SIGLEC11: variants seen among roughly 807,000 people sequenced by gnomAD.
SIGLEC11 encodes sialic acid-binding Ig-like lectin 11.
Under a neutral mutation model 61.2 loss-of-function variants are expected in SIGLEC11, and 47 were observed. The ratio of observed to expected loss-of-function variants is 0.77; its 90% CI spans 0.61 to 0.98. The LOEUF (loss-of-function observed/expected upper bound fraction) is 0.98. Ranked by LOEUF, SIGLEC11 falls within the 50% of genes least tolerant of loss-of-function variation. SIGLEC11 has a pLI of 0.00. For missense variants in SIGLEC11, 610 were observed against 870.3 expected (o/e 0.70, Z 3.76); for synonymous variants, 278 against 373.1 (o/e 0.75, Z 2.94).
At chr19:49,952,432 C>T in intron 8 of SIGLEC11, 38 bp from the exon 9 acceptor site, 7 of 1,511,692 alleles carry the variant, frequency 4.6e-6, no homozygotes, top group Non-Finnish European at 6.3e-6. Flanking sequence ...GCCCTCCTGG[C>T]CCTGAGACCC....
intron 8 of SIGLEC11, 67 bp from the exon 9 acceptor site, chr19:49,952,461 C>A: frequency 8.3e-7 from 1 of 1,201,454 alleles, no homozygotes; most frequent in Non-Finnish European, 1.2e-6. Context: ...CTTCCTCCCA[C>A]AGACCTAGAG....
rs757927465 is a variant in SIGLEC11, at chr19:49,958,459, T to C, written c.1475A>G (p.Glu492Gly). Residue 492 changes from glutamate (E) to glycine (G), a missense_variant, in exon 8 of 11, where the codon GAG (glutamate) becomes GGG (glycine). Transcript: ENST00000447370. ...CTGACTGCTGTTCCCCTCCAGCAGCTCCTCCCCAAGCCACCAGCGCAGAGA... is the reference window on the plus strand; with the variant it reads ...CTGACTGCTGTTCCCCTCCAGCAGCCCCTCCCCAAGCCACCAGCGCAGAGA... ...APSLRWWLGE[E>G]LLEGNSSQGS... 1.2e-6 allele frequency: 2 copies of C among 1,612,950 alleles called. No homozygotes were observed. The highest frequency in any genetic ancestry group is 2.2e-5 in the East Asian group (1 of 44,872).
At chr19:49,958,161 AG>A (rs1179467836) in intron 8 of SIGLEC11, 121 bp downstream of exon 8, 7 of 1,380,042 alleles carry the variant, frequency 5.1e-6, no homozygotes, top group Non-Finnish European at 5.0e-6. Flanking sequence ...GCCACAGAGC[AG>A]GGACTTTGTC....
chr19:49,958,886 C>T lies in SIGLEC11; in HGVS notation c.1120G>A (p.Gly374Arg), dbSNP rs577987618. The T allele has an allele frequency of 1.9e-4, 298 of 1,600,128 alleles. No individual in the cohort carries two copies. Among genetic ancestry groups the T allele is most frequent in the Admixed American group, 2.9e-4 (17 of 58,554 alleles). Residue 374 changes from glycine to arginine, a missense_variant, in exon 7 of 11, where the codon GGG (glycine) becomes AGG (arginine). By Grantham distance (125) the Gly-to-Arg change is moderately radical. Transcript: ENST00000447370. ...QANRTVLENLGNGTSLPVLEG... is the reference protein window; with the variant it reads ...QANRTVLENLRNGTSLPVLEG... ...AGGACCGGGAGGGATGTGCCGTTCCCGAGGTTTTCCAGGACTAGGGAAGGA... is the reference window on the plus strand; with the variant it reads ...AGGACCGGGAGGGATGTGCCGTTCCTGAGGTTTTCCAGGACTAGGGAAGGA...
chr19:49,954,049 T>C (rs2076178244), intron 8 of SIGLEC11, among the ~76,000 whole-genome samples: 1 of 152,140 alleles, frequency 6.6e-6, no homozygotes, highest in Admixed American at 6.6e-5. Flanking sequence ...ACAGCCTGAG[T>C]ATCCCGATCA....
At chr19:49,959,124 C>G in intron 5 of SIGLEC11, 47 bp from the exon 6 acceptor site, 1 of 1,609,074 alleles carries the variant, frequency 6.2e-7, no homozygotes, top group Non-Finnish European at 8.5e-7. Flanking sequence ...AGGGGCTTCC[C>G]TCTGGGTAAA....
chr19:49,958,430 A>C lies in SIGLEC11; in HGVS notation c.1504T>G (p.Ser502Ala). 1 of 1,613,914 alleles carries C rather than the reference A, an allele frequency of 6.2e-7. No homozygotes were observed. Among genetic ancestry groups the C allele is most frequent in the Non-Finnish European group, 8.5e-7 (1 of 1,179,980 alleles). The stretch of plus-strand genomic sequence containing the variant: ...GCTGAGCTGGGGGTGACCTCGAAGG[A>C]GCCCTGACTGCTGTTCCCCTCCAGC... ...ELLEGNSSQG[S>A]FEVTPSSAGP... The change falls in exon 8 of 11, where the codon TCC (serine) becomes GCC (alanine). Residue 502 changes from serine to alanine, a missense_variant. Coordinates refer to ENST00000447370, the MANE Select transcript of SIGLEC11 (RefSeq NM_052884.3).
At chr19:49,957,860 G>A (rs143608588) in intron 8 of SIGLEC11, among the ~76,000 whole-genome samples, 2 of 151,988 alleles carry the variant, frequency 1.3e-5, no homozygotes, top group Admixed American at 6.6e-5. Flanking sequence ...GCGTGGTGGC[G>A]CATGCCTGTA....
In SIGLEC11 at chr19:49,960,734, C is replaced by G. The variant is rs757333973; in HGVS notation, c.278G>C (p.Arg93Pro). The G allele has an allele frequency of 3.2e-5, 51 of 1,612,986 alleles. No individual in the cohort carries two copies. The highest frequency in any genetic ancestry group is 4.0e-5 in the Non-Finnish European group (47 of 1,179,988). The change falls in exon 2 of 11, where the codon CGA becomes CCA. Residue 93 changes from arginine (R) to proline (P), a missense_variant. Physicochemically the swap from Arg to Pro is moderately radical, Grantham distance 103 (BLOSUM62 -2). This residue lies in a region of SIGLEC11 where 99 missense variants were observed against 131.6 expected (regional missense o/e 0.75). Transcript: ENST00000447370. The part of the protein sequence containing the change: ...GAPVATNNQS[R>P]EVEMSTRDRF... ...GTCCCGGGTGCTCATTTCCACCTCT[C>G]GACTCTGGTTGTTAGTGGCCACAGG... is the stretch of plus-strand genomic sequence containing the variant.
chr19:49,958,211 A>G (rs2076211415), intron 8 of SIGLEC11, 72 bp downstream of exon 8: 1 of 1,593,250 alleles, frequency 6.3e-7, no homozygotes, highest in Non-Finnish European at 8.5e-7. Flanking sequence ...TCTCCCCACA[A>G]CCTTGAACCT....
At position 49,951,398 on chromosome 19, in the gene SIGLEC11, T is replaced by C. The variant is rs1006548215; in HGVS notation, c.1830+493A>G. Among the ~76,000 whole-genome samples the C allele has an allele frequency of 6.6e-6, 1 of 152,260 alleles. No individual in the cohort carries two copies. The highest frequency in any genetic ancestry group is 1.9e-4 in the East Asian group (1 of 5,182). On this transcript the variant is annotated intron_variant, in intron 10 of 10. Transcript: ENST00000447370. This position sits in a 1 kb window ranked among gnomAD's most constrained non-coding sequence, Gnocchi z 4.6. ...CATCTGTATCGGTCACTATAAACCA[T>C]CACCACGAGGATCACAGCTCTCAGT...
chr19:49,950,837 C>T (rs1021370980), intron 10 of SIGLEC11, among the ~76,000 whole-genome samples: 5 of 152,160 alleles, frequency 3.3e-5, no homozygotes, highest in Non-Finnish European at 7.4e-5. Flanking sequence ...GGGATTTGCT[C>T]GGACCTGGAC....
At position 49,951,923 on chromosome 19, in the gene SIGLEC11, C is replaced by T. The variant is rs45438992; in HGVS notation, c.1798G>A (p.Asp600Asn). 0.023 allele frequency: 37,269 copies of T among 1,610,196 alleles called. 3,845 individuals are homozygous for T. In the East Asian group the frequency reaches 0.27, roughly 12 times the overall value. Residue 600 changes from aspartate to asparagine, a missense_variant, in exon 10 of 11, where the codon GAC (aspartate) becomes AAC (asparagine). Asp to Asn is a conservative substitution (Grantham distance 23, BLOSUM62 1). Around this residue, in one of 6 missense-constraint regions of SIGLEC11, gnomAD observed 432 missense variants for 441.5 expected, o/e 0.98. Coordinates refer to ENST00000447370, the MANE Select transcript of SIGLEC11 (RefSeq NM_052884.3). This position sits in a 1 kb window ranked among gnomAD's most constrained non-coding sequence, Gnocchi z 4.6. Reference sequence around the variant, plus strand: ...ATGGGTCCCAGGGTGGAGGGCACGTCCTGCTCAGCTGCTGCCCTCTTGCGA... The same window carrying T: ...ATGGGTCCCAGGGTGGAGGGCACGTTCTGCTCAGCTGCTGCCCTCTTGCGA... Reference protein sequence around the residue: ...EARKRAAAEQDVPSTLGPISQ... With the variant: ...EARKRAAAEQNVPSTLGPISQ...
At chr19:49,952,256 C>T in intron 9 of SIGLEC11, 42 bp downstream of exon 9, 2 of 1,583,784 alleles carry the variant, frequency 1.3e-6, no homozygotes, top group Non-Finnish European at 1.7e-6. Context: ...CTAGAACCCT[C>T]ACCCTTCCCA....
In SIGLEC11 at chr19:49,949,837, G is replaced by T; in HGVS notation, c.*133C>A. The T allele has an allele frequency of 2.0e-6, 2 of 998,146 alleles. No individual in the cohort carries two copies. The highest frequency in any genetic ancestry group is 2.6e-6 in the Non-Finnish European group (2 of 759,602). 61.8% of individuals were successfully genotyped at this position (998,146 alleles called of 1,614,324 possible). A position where few individuals can be genotyped will look rare whatever the true frequency, so the allele number is the denominator to read the frequency against. ...GGCCTGGAGGACAGAGTCAGACCCTGTCTCAAAAAAAGTATAATCTTCAAA... is the reference window on the plus strand; with the variant it reads ...GGCCTGGAGGACAGAGTCAGACCCTTTCTCAAAAAAAGTATAATCTTCAAA... On this transcript the variant is annotated 3_prime_UTR_variant, in exon 11 of 11. Coordinates refer to ENST00000447370, the MANE Select transcript of SIGLEC11 (RefSeq NM_052884.3).
chr19:49,960,300 C>T lies in SIGLEC11; in HGVS notation c.582G>A (p.Thr194=), dbSNP rs372026318. 2.3e-4 allele frequency: 366 copies of T among 1,602,410 alleles called. 2 individuals carry two copies. The African/African-American group carries it at 3.4e-3, about 15-fold the overall frequency. The change falls in exon 3 of 11, where the codon ACG becomes ACA. Residue 194 remains threonine, a synonymous_variant. Transcript: ENST00000447370. ...TTCTTCTAGGGGAGAGGGCAGCCCC[C>T]GTCCAGGAGAAAGAAGGGGCTGGAC... The part of the protein sequence containing the change: ...KKCPAPSFSW[T]GAALSPRRTR...
chr19:49,957,233 A>C (rs1201556467), intron 8 of SIGLEC11, among the ~76,000 whole-genome samples: 3 of 152,228 alleles, frequency 2.0e-5, no homozygotes, highest in Admixed American at 6.5e-5. Context: ...TGTCTAAAGA[A>C]AAAAAGTGTC....
At chr19:49,956,744 C>A (rs963203021) in intron 8 of SIGLEC11, among the ~76,000 whole-genome samples, 1 of 152,072 alleles carries the variant, frequency 6.6e-6, no homozygotes, top group Non-Finnish European at 1.5e-5. Context: ...CATGCTTAAC[C>A]GCATCATAAG....
chr19:49,951,854 C>T lies in SIGLEC11; in HGVS notation c.1830+37G>A, dbSNP rs759525345. ...CCCATGGCCATCAAGGAAAGGGGAA[C>T]AGGCAGGGCCCCAGCAGACAGAGGC... On this transcript the variant is annotated intron_variant, in intron 10 of 10. Coordinates refer to ENST00000447370, the MANE Select transcript of SIGLEC11 (RefSeq NM_052884.3). The surrounding 1 kb of genome is among the most constrained non-coding windows in gnomAD (Gnocchi z 4.6). 1.3e-6 allele frequency: 2 copies of T among 1,523,822 alleles called. No homozygotes were observed. Among genetic ancestry groups the T allele is most frequent in the Non-Finnish European group, 1.8e-6 (2 of 1,133,306 alleles). 94.4% of individuals were successfully genotyped at this position (1,523,822 alleles called of 1,614,324 possible). A position where few individuals can be genotyped will look rare whatever the true frequency, so the allele number is the denominator to read the frequency against.
Sources: allele counts gnomAD v4.1 joint callset (sites outside exome capture counted in the v4.1 genomes callset), GRCh38; gene constraint gnomAD v4.1.1; regional missense constraint gnomAD v4.1.1; non-coding constraint Gnocchi (gnomAD v3.1); transcripts MANE v1.5; gene names NCBI Gene and HGNC (gene_info 2026-07-23, HGNC 2026-07-21).